Variants in RBFOX1 observed in about 807,000 individuals in gnomAD.
The protein encoded by RBFOX1 is RNA binding fox-1 homolog 1.
A neutral mutation model predicts 57.7 loss-of-function variants in RBFOX1; 8 were observed. The observed-to-expected ratio is 0.14, with a 90% CI of 0.08 to 0.25. The LOEUF (loss-of-function observed/expected upper bound fraction) is 0.25. RBFOX1 is among the 10% of genes least tolerant of loss of function. RBFOX1 has a pLI of 1.00. For missense variants in RBFOX1, 611 were observed against 548.5 expected, an observed-to-expected ratio of 1.11 and a Z score of -1.14; for synonymous variants, 326 against 222.4, an observed-to-expected ratio of 1.47 and a Z score of -4.15.
At chr16:7,184,062 GAGA>G (rs1054326276) in intron 4 of RBFOX1, among the ~76,000 whole-genome samples, 42 of 152,290 alleles carry the variant, frequency 2.8e-4, no homozygotes, top group African/African-American at 1.0e-3. Flanking sequence ...AGTGGTGGTG[GAGA>G]AGAAGGCAGG....
chr16:7,068,755 T>G (rs2056703445), intron 4 of RBFOX1, among the ~76,000 whole-genome samples: 1 of 152,156 alleles, frequency 6.6e-6, no homozygotes, highest in East Asian at 1.9e-4. Context: ...ACCCAGCTAA[T>G]TTTTTGTATT....
At chr16:7,242,976 C>G (rs141084478) in intron 4 of RBFOX1, among the ~76,000 whole-genome samples, 4 of 152,268 alleles carry the variant, frequency 2.6e-5, no homozygotes, top group South Asian at 2.1e-4. Flanking sequence ...CATTTGTTCT[C>G]TTCCTCCTCC....
At chr16:6,403,774 G>C (rs947772715) in intron 2 of RBFOX1, among the ~76,000 whole-genome samples, 2 of 152,118 alleles carry the variant, frequency 1.3e-5, no homozygotes, top group Non-Finnish European at 1.5e-5. Context: ...TGACTCAAGT[G>C]TGTCCCTCCA....
At chr16:5,826,186 ATTTC>A (rs1306062460) in intron 3 of RBFOX1, among the ~76,000 whole-genome samples, 1 of 149,262 alleles carries the variant, frequency 6.7e-6, no homozygotes, top group African/African-American at 2.4e-5. Flanking sequence ...GTTATATAAT[ATTTC>A]TTATAGTAAT....
At chr16:7,648,706 GTGA>G (rs1164241651) in intron 11 of RBFOX1, among the ~76,000 whole-genome samples, 1 of 152,186 alleles carries the variant, frequency 6.6e-6, no homozygotes, top group Non-Finnish European at 1.5e-5. Context: ...AGGGTGAGAT[GTGA>G]TGAAGACCCT....
At chr16:5,494,974 A>G (rs1567161209) in intron 2 of RBFOX1, among the ~76,000 whole-genome samples, 1 of 152,174 alleles carries the variant, frequency 6.6e-6, no homozygotes, top group East Asian at 1.9e-4. Flanking sequence ...AGAATAGAAA[A>G]TCCCAGGCAT....
intron 3 of RBFOX1, among the ~76,000 whole-genome samples, chr16:6,850,709 G>C (rs1055402378): frequency 6.6e-6 from 1 of 152,022 alleles, no homozygotes; most frequent in South Asian, 2.1e-4. Flanking sequence ...AAATCAATTT[G>C]TTGGCTAAAA....
intron 4 of RBFOX1, among the ~76,000 whole-genome samples, chr16:5,897,171 G>T (rs994931929): frequency 2.0e-5 from 3 of 151,850 alleles, no homozygotes; most frequent in Non-Finnish European, 4.4e-5. Flanking sequence ...CAGTAGCTGG[G>T]ACTACAGGCG....
chr16:5,740,032 C>A (rs1291852190), intron 3 of RBFOX1, among the ~76,000 whole-genome samples: 2 of 152,176 alleles, frequency 1.3e-5, no homozygotes, highest in African/African-American at 4.8e-5. Flanking sequence ...CAGAACTGCT[C>A]TCTTTGAAAT....
chr16:7,117,567 G>A (rs2066186604), intron 4 of RBFOX1, among the ~76,000 whole-genome samples: 1 of 152,148 alleles, frequency 6.6e-6, no homozygotes, highest in African/African-American at 2.4e-5. Context: ...ACAATCTATA[G>A]TACCTCATCT....
chr16:5,999,657 C>G (rs972005456), intron 4 of RBFOX1, among the ~76,000 whole-genome samples: 1 of 151,814 alleles, frequency 6.6e-6, no homozygotes, highest in Non-Finnish European at 1.5e-5. Context: ...GTCAGGAGAT[C>G]GAGACCATTC....
At chr16:7,455,970 C>G (rs2058431325) in intron 4 of RBFOX1, among the ~76,000 whole-genome samples, 2 of 152,118 alleles carry the variant, frequency 1.3e-5, no homozygotes, top group Admixed American at 1.3e-4. Context: ...ATGTCAAGTT[C>G]AATCCCTTTT....
At chr16:6,855,317 C>G (rs114585626) in intron 3 of RBFOX1, among the ~76,000 whole-genome samples, 2,325 of 151,976 alleles carry the variant, frequency 0.015, 63 homozygotes, top group African/African-American at 0.053. Flanking sequence ...CAAGAAAAAG[C>G]AAGCAAAATT....
At chr16:6,659,225 G>A (rs1469919463) in intron 3 of RBFOX1, among the ~76,000 whole-genome samples, 1 of 65,446 alleles carries the variant, frequency 1.5e-5, no homozygotes, top group Non-Finnish European at 2.8e-5. Context: ...TCTGTCAAGA[G>A]GAGACGAGAG....
intron 3 of RBFOX1, among the ~76,000 whole-genome samples, chr16:6,999,738 A>G (rs1412195247): frequency 6.6e-6 from 1 of 152,078 alleles, no homozygotes; most frequent in Non-Finnish European, 1.5e-5. Context: ...AAACTTTTTA[A>G]AAAAAGAACT....
chr16:6,110,843 T>C (rs2096438443), intron 1 of RBFOX1, among the ~76,000 whole-genome samples: 1 of 152,154 alleles, frequency 6.6e-6, no homozygotes, highest in Non-Finnish European at 1.5e-5. Flanking sequence ...GAGACGGTGC[T>C]AATAATTCTC....
intron 4 of RBFOX1, among the ~76,000 whole-genome samples, chr16:7,075,716 G>T (rs988896861): frequency 1.3e-5 from 2 of 151,988 alleles, no homozygotes; most frequent in Non-Finnish European, 2.9e-5. Context: ...GAGTAGCTGG[G>T]ACTACAGGTG....
chr16:6,228,463 T>C (rs531203693), intron 1 of RBFOX1, among the ~76,000 whole-genome samples: 2 of 151,834 alleles, frequency 1.3e-5, no homozygotes, highest in South Asian at 4.2e-4. Context: ...ATACATGCCA[T>C]GAAATACAAT....
chr16:5,896,729 A>T (rs2152165755), intron 4 of RBFOX1, among the ~76,000 whole-genome samples: 1 of 152,274 alleles, frequency 6.6e-6, no homozygotes, highest in Non-Finnish European at 1.5e-5. Flanking sequence ...ATAGCTCTTC[A>T]GGGGAGAGGG....
Sources: gnomAD v4.1 joint callset for allele counts (sites outside exome capture counted in the v4.1 genomes callset) on GRCh38, gnomAD v4.1.1 for gene constraint, MANE v1.5 for transcripts, NCBI Gene and HGNC (gene_info 2026-07-23, HGNC 2026-07-21) for gene names.